SPEF2: variants seen among roughly 807,000 people sequenced by gnomAD.
The protein encoded by SPEF2 is sperm flagella and cilia-associated protein 2.
In SPEF2, 187 loss-of-function variants were observed where a neutral mutation model predicts 224.6. The ratio of observed to expected loss-of-function variants is 0.83; its 90% CI spans 0.74 to 0.94. The LOEUF (loss-of-function observed/expected upper bound fraction) is 0.94, where lower values mean the gene tolerates loss of function less well. Among genes scored for constraint, SPEF2 ranks in the 40% least tolerant of loss-of-function variants. SPEF2 has a pLI of 0.00. For missense variants in SPEF2, 2,170 were observed against 2,135.6 expected (o/e 1.02, Z -0.32); for synonymous variants, 715 against 707.3 (o/e 1.01, Z -0.17).
At chr5:35,803,258 C>T (rs1435123502) in intron 34 of SPEF2, among the ~76,000 whole-genome samples, 1 of 152,172 alleles carries the variant, frequency 6.6e-6, no homozygotes, top group African/African-American at 2.4e-5. Context: ...AAAAGGAAGC[C>T]TGTGCTAGAG....
chr5:35,627,529 A>C lies in SPEF2; in HGVS notation c.59-931A>C, dbSNP rs1010686203. 3.9e-5 allele frequency among the ~76,000 whole-genome samples: 6 copies of C among 152,264 alleles called. 1 individual carries two copies. On this transcript the variant is annotated intron_variant, in intron 1 of 36. Coordinates refer to ENST00000356031, the MANE Select transcript of SPEF2 (RefSeq NM_024867.4). ...GGCAGGAGAATCGCTTGAACCCAGG[A>C]GTCAGAGGTTGTAGATCAGGCCACT...
intron 2 of SPEF2, among the ~76,000 whole-genome samples, chr5:35,632,397 C>T (rs1745265172): frequency 1.3e-5 from 2 of 152,158 alleles, no homozygotes; most frequent in Non-Finnish European, 2.9e-5. Context: ...ATAAAACCAT[C>T]ATATCTCATG....
intron 10 of SPEF2, among the ~76,000 whole-genome samples, chr5:35,673,210 A>G (rs1751428051): frequency 6.6e-6 from 1 of 152,194 alleles, no homozygotes; most frequent in South Asian, 2.1e-4. Context: ...GACCATGGGT[A>G]GCAGTCTAAG....
chr5:35,785,644 C>G (rs952541732), intron 30 of SPEF2, among the ~76,000 whole-genome samples: 2 of 151,770 alleles, frequency 1.3e-5, no homozygotes, highest in Non-Finnish European at 2.9e-5. Flanking sequence ...CAACCCCCCC[C>G]CACCTCAGCC....
intron 1 of SPEF2, among the ~76,000 whole-genome samples, chr5:35,618,418 T>A (rs953610277): frequency 6.6e-6 from 1 of 152,180 alleles, no homozygotes; most frequent in African/African-American, 2.4e-5. Context: ...GGAACTTTGC[T>A]GGACTTTGTA....
rs183360393 is a variant in SPEF2, at chr5:35,748,309, G to A, written c.3331-5315G>A. Among the ~76,000 whole-genome samples the A allele has an allele frequency of 3.6e-3, 541 of 151,660 alleles. 4 individuals are homozygous for A. Among genetic ancestry groups the A allele is most frequent in the African/African-American group, 0.013 (523 of 41,414 alleles). The stretch of plus-strand genomic sequence containing the variant: ...GAACAAACCAAACCCAAACCCAGCA[G>A]AAGAAAGGAAAAAAGCAAGATCGGA... On this transcript the variant is annotated intron_variant, in intron 23 of 36. Transcript: ENST00000356031.
At position 35,773,931 on chromosome 5, in the gene SPEF2, G is replaced by GT. The variant is rs759773835; in HGVS notation, c.3989dup (p.Thr1331AsnfsTer7). On this transcript the variant is annotated frameshift_variant, in exon 28 of 37. Transcript: ENST00000356031. LOFTEE classifies it high-confidence loss of function. ...TATGGCAGAAGCAACTCCTGTCATAGTAACAACAGAGGAAATTGCTGAAAT... is the reference window on the plus strand; with the variant it reads ...TATGGCAGAAGCAACTCCTGTCATAGTTAACAACAGAGGAAATTGCTGAAAT... 3.7e-6 allele frequency: 6 copies of GT among 1,613,244 alleles called. No homozygotes were observed. Among genetic ancestry groups the GT allele is most frequent in the Non-Finnish European group, 5.1e-6 (6 of 1,179,548 alleles).
chr5:35,686,389 A>C (rs1753627605), intron 10 of SPEF2, among the ~76,000 whole-genome samples: 1 of 152,086 alleles, frequency 6.6e-6, no homozygotes, highest in South Asian at 2.1e-4. Flanking sequence ...CTAGGTAATG[A>C]AATTATTACA....
At chr5:35,705,363 G>A (rs1739537582) in intron 17 of SPEF2, among the ~76,000 whole-genome samples, 1 of 151,974 alleles carries the variant, frequency 6.6e-6, no homozygotes, top group Admixed American at 6.6e-5. Flanking sequence ...TCTACTATGA[G>A]CACAGATGAT....
intron 36 of SPEF2, among the ~76,000 whole-genome samples, chr5:35,812,621 T>G (rs1283241236): frequency 1.3e-5 from 2 of 152,226 alleles, no homozygotes; most frequent in Admixed American, 6.5e-5. Flanking sequence ...TTTCTTGTGA[T>G]GAACGCAGGC....
intron 25 of SPEF2, among the ~76,000 whole-genome samples, chr5:35,762,489 C>T (rs983705629): frequency 1.3e-5 from 2 of 152,092 alleles, no homozygotes; most frequent in Admixed American, 6.5e-5. Context: ...ATCCTCAATA[C>T]GCTGCCTTTT....
chr5:35,662,593 T>C (rs1749892024), intron 8 of SPEF2, among the ~76,000 whole-genome samples: 1 of 152,214 alleles, frequency 6.6e-6, no homozygotes, highest in Admixed American at 6.5e-5. Flanking sequence ...CCATCTTGAG[T>C]TAATTATTGT....
chr5:35,702,143 C>G (rs1174627102), intron 16 of SPEF2: 2 of 455,634 alleles, frequency 4.4e-6, no homozygotes. Context: ...TCATCCAATC[C>G]CCCTTCCAGA....
At chr5:35,692,458 C>G (rs1754659535) in intron 11 of SPEF2, 112 bp from the exon 12 acceptor site, 1 of 737,426 alleles carries the variant, frequency 1.4e-6, no homozygotes, top group Non-Finnish European at 2.2e-6. Context: ...ATCCAAAAGA[C>G]TGTTCTAGCG....
At chr5:35,787,619 G>A (rs1755343069) in intron 30 of SPEF2, among the ~76,000 whole-genome samples, 1 of 152,164 alleles carries the variant, frequency 6.6e-6, no homozygotes, top group African/African-American at 2.4e-5. Context: ...CTGTGCACCA[G>A]CTTTCTTATC....
intron 26 of SPEF2, among the ~76,000 whole-genome samples, chr5:35,768,222 T>A (rs992431626): frequency 6.6e-6 from 1 of 152,162 alleles, no homozygotes; most frequent in Non-Finnish European, 1.5e-5. Context: ...GATGTCAATA[T>A]TAGTGATGAC....
chr5:35,684,897 T>A (rs1753363785), intron 10 of SPEF2, among the ~76,000 whole-genome samples: 1 of 152,220 alleles, frequency 6.6e-6, no homozygotes, highest in African/African-American at 2.4e-5. Context: ...TAAAATTACA[T>A]AATTTCTACA....
chr5:35,751,098 T>C (rs7443373), intron 23 of SPEF2, among the ~76,000 whole-genome samples: 4,912 of 82,922 alleles, frequency 0.059, 579 homozygotes, highest in African/African-American at 0.077. Context: ...CACACACACA[T>C]ATATATATAT....
chr5:35,674,374 T>G (rs940741716), intron 10 of SPEF2, among the ~76,000 whole-genome samples: 4 of 148,730 alleles, frequency 2.7e-5, no homozygotes, highest in Admixed American at 2.0e-4. Context: ...TCCAAATTCT[T>G]TTTATTATTA....
Sources: gnomAD v4.1 joint callset for allele counts (sites outside exome capture counted in the v4.1 genomes callset) on GRCh38, gnomAD v4.1.1 for gene constraint, MANE v1.5 for transcripts, NCBI Gene and HGNC (gene_info 2026-07-23, HGNC 2026-07-21) for gene names.